C8B: variants seen among roughly 807,000 people sequenced by gnomAD.
C8B encodes the protein complement component C8 beta chain.
Under a neutral mutation model 64.6 loss-of-function variants are expected in C8B, and 67 were observed. The observed-to-expected ratio is 1.04, with a 90% CI of 0.85 to 1.27. The LOEUF (loss-of-function observed/expected upper bound fraction) is 1.27. Ranked by LOEUF, C8B falls within the 50% of genes most tolerant of loss-of-function variation. C8B has a pLI of 0.00. For missense variants in C8B, 790 were observed against 725.2 expected (o/e 1.09, Z -1.03); for synonymous variants, 284 against 257.7 (o/e 1.10, Z -0.98).
chr1:56,943,891 C>G, intron 7 of C8B, 67 bp from the exon 8 acceptor site: 1 of 1,585,334 alleles, frequency 6.3e-7, no homozygotes, highest in Non-Finnish European at 8.6e-7. Context: ...TTCCTATGAT[C>G]GAGTCCAGAG....
chr1:56,939,626 GC>G (rs2101380338), intron 9 of C8B, among the ~76,000 whole-genome samples: 1 of 152,280 alleles, frequency 6.6e-6, no homozygotes, highest in South Asian at 2.1e-4. Flanking sequence ...ACCTACCATT[GC>G]TGACGTGTAT....
Position 56,943,849 on chromosome 1 carries a change from C to T in C8B, c.1106-25G>A, listed in dbSNP as rs757930153. On this transcript the variant is annotated intron_variant, in intron 7 of 11. Coordinates refer to ENST00000371237, the MANE Select transcript of C8B (RefSeq NM_000066.4). ...TCTGAAGAAAACAAGGAAAAAGGTC[C>T]ATGACGTAAAAGGTAGTTCACTCTG... 4 of 1,613,184 alleles carry T rather than the reference C, an allele frequency of 2.5e-6. No homozygotes were observed. The South Asian group carries it at 4.4e-5, about 18-fold the overall frequency.
intron 1 of C8B, among the ~76,000 whole-genome samples, chr1:56,960,915 T>C (rs1353191814): frequency 6.6e-6 from 1 of 151,874 alleles, no homozygotes; most frequent in African/African-American, 2.4e-5. Context: ...ATTTAGTAAA[T>C]AGTTCCTATA....
At position 56,940,912 on chromosome 1, in the gene C8B, C is replaced by T. The variant is rs768628189; in HGVS notation, c.1335G>A (p.Thr445=). 24 of 1,613,944 alleles carry T rather than the reference C, an allele frequency of 1.5e-5. No individual in the cohort carries two copies. The highest frequency in any genetic ancestry group is 1.6e-4 in the Middle Eastern group (1 of 6,084). The change falls in exon 9 of 12, where the codon ACG becomes ACA. Residue 445 remains threonine, a synonymous_variant. Coordinates refer to ENST00000371237, the MANE Select transcript of C8B (RefSeq NM_000066.4). ...ITTLAYQELP[T]ADLMQEWGDA... is the part of the protein sequence containing the mutation. ...CTCCCCACTCCTGCATCAGGTCCGC[C>T]GTCGGCAGCTCCTGGTATGCCAGGG...
In C8B at chr1:56,929,335, G is replaced by A. The variant is rs1374312326; in HGVS notation, c.*69C>T. ...GAACTCCAGGTGGAAACTGGTGTAG[G>A]GCTGAGCTGGCATGAGTTCTTGAGG... On this transcript the variant is annotated 3_prime_UTR_variant, in exon 12 of 12. Transcript: ENST00000371237. 6.5e-7 allele frequency: 1 copy of A among 1,546,808 alleles called. No individual in the cohort carries two copies. Among genetic ancestry groups the A allele is most frequent in the Non-Finnish European group, 8.9e-7 (1 of 1,120,628 alleles).
intron 1 of C8B, among the ~76,000 whole-genome samples, chr1:56,962,060 A>G (rs552701870): frequency 1.2e-4 from 18 of 152,300 alleles, no homozygotes; most frequent in African/African-American, 4.3e-4. Flanking sequence ...CTGTTACATT[A>G]TGTTTTTAGC....
At chr1:56,945,432 T>C (rs1644926867) in intron 7 of C8B, among the ~76,000 whole-genome samples, 1 of 152,142 alleles carries the variant, frequency 6.6e-6, no homozygotes, top group Non-Finnish European at 1.5e-5. Flanking sequence ...AGAAAGAAAG[T>C]CAAAAGTTCT....
At chr1:56,945,699 G>C (rs1644930205) in intron 7 of C8B, 122 bp downstream of exon 7, 1 of 1,233,050 alleles carries the variant, frequency 8.1e-7, no homozygotes, top group African/African-American at 1.5e-5. Context: ...AAAAGAAGAG[G>C]AAGAGGAATC....
rs897397488 is a variant in C8B at position 56,933,550 on chromosome 1, C to T, written c.1399-62G>A. The T allele has an allele frequency of 9.9e-6, 14 of 1,414,264 alleles. No individual in the cohort carries two copies. In the Admixed American group the frequency reaches 1.0e-4, roughly 10 times the overall value. The allele number at this position is 1,414,264 out of a possible 1,614,324, so 87.6% of individuals were successfully genotyped here. On this transcript the variant is annotated intron_variant, in intron 9 of 11. Transcript: ENST00000371237. ...ACATTTATCAAGTAGAAGTGTAAAA[C>T]AAAACTACAAAGGAATGGACTGGGA...
intron 8 of C8B, among the ~76,000 whole-genome samples, chr1:56,941,513 GA>G (rs1644857669): frequency 6.6e-5 from 3 of 45,742 alleles, no homozygotes; most frequent in Non-Finnish European, 1.6e-4. Context: ...TAGATACATA[GA>G]TAGATAGATA....
At chr1:56,941,515 T>C (rs1188880042) in intron 8 of C8B, among the ~76,000 whole-genome samples, 2 of 77,144 alleles carry the variant, frequency 2.6e-5, no homozygotes, top group Non-Finnish European at 5.4e-5. Context: ...GATACATAGA[T>C]AGATAGATAG....
intron 5 of C8B, among the ~76,000 whole-genome samples, chr1:56,950,803 A>G (rs1024776011): frequency 2.0e-5 from 3 of 152,186 alleles, no homozygotes; most frequent in Non-Finnish European, 4.4e-5. Context: ...TTATACTGGT[A>G]AGTCATAGCA....
In C8B at chr1:56,945,931, T is replaced by C; in HGVS notation, c.995A>G (p.Glu332Gly). Reference sequence around the variant, plus strand: ...AAAATCACGGAAGAGATCTCTGTATTCCCCGTAGCTGTACTCCAGGGGCAG... The same window carrying C: ...AAAATCACGGAAGAGATCTCTGTATCCCCCGTAGCTGTACTCCAGGGGCAG... Reference protein sequence around the residue: ...KRLPLEYSYGEYRDLFRDFGT... With the variant: ...KRLPLEYSYGGYRDLFRDFGT... Residue 332 changes from glutamate to glycine, a missense_variant, in exon 7 of 12, where the codon GAA becomes GGA. Transcript: ENST00000371237. 2 of 1,614,100 alleles carry C rather than the reference T, an allele frequency of 1.2e-6. No homozygotes were observed. The highest frequency in any genetic ancestry group is 1.7e-6 in the Non-Finnish European group (2 of 1,180,010).
In C8B at chr1:56,945,598, A is replaced by G. The variant is rs149511067; in HGVS notation, c.1105+223T>C. ...CTGCATGCTGAAGGTATTTAGAACC[A>G]TGGGATTGGATACAATTGCATAGAG... On this transcript the variant is annotated intron_variant, in intron 7 of 11. Coordinates refer to ENST00000371237, the MANE Select transcript of C8B (RefSeq NM_000066.4). Among the ~76,000 whole-genome samples, 79 of 152,338 alleles carry G rather than the reference A, an allele frequency of 5.2e-4. 3 individuals are homozygous for G. The highest frequency in any genetic ancestry group is 1.9e-3 in the African/African-American group (78 of 41,580).
At chr1:56,965,129 T>A (rs922881494) in intron 1 of C8B, among the ~76,000 whole-genome samples, 2 of 152,124 alleles carry the variant, frequency 1.3e-5, no homozygotes, top group African/African-American at 4.8e-5. Flanking sequence ...GGAATTACAG[T>A]CCCTCTTCCC....
intron 1 of C8B, 75 bp from the exon 2 acceptor site, chr1:56,960,251 A>C: frequency 1.5e-6 from 2 of 1,340,218 alleles, no homozygotes; most frequent in East Asian, 2.3e-5. Context: ...CTATTTGTAC[A>C]TTCAATAAAT....
Position 56,965,742 on chromosome 1 carries a change from C to T in C8B, c.92+115G>A, listed in dbSNP as rs530747442. 129 of 1,111,256 alleles carry T rather than the reference C, an allele frequency of 1.2e-4. 3 individuals carry two copies. The highest frequency in any genetic ancestry group is 9.9e-4 in the South Asian group (78 of 78,862). 68.8% of individuals were successfully genotyped at this position (1,111,256 alleles called of 1,614,324 possible). On this transcript the variant is annotated intron_variant, in intron 1 of 11. Transcript: ENST00000371237. Reference sequence around the variant, plus strand: ...TATGTTATCAGATGCATGCAAATTGCCTTAAGAGACGTTCCTCATTCAATA... The same window carrying T: ...TATGTTATCAGATGCATGCAAATTGTCTTAAGAGACGTTCCTCATTCAATA...
chr1:56,934,527 G>T (rs912649354), intron 9 of C8B, among the ~76,000 whole-genome samples: 7 of 152,280 alleles, frequency 4.6e-5, no homozygotes, highest in African/African-American at 1.2e-4. Context: ...CCAGGGCCAG[G>T]TTCCTCTCCA....
intron 2 of C8B, among the ~76,000 whole-genome samples, chr1:56,957,934 G>A (rs1374677290): frequency 6.6e-6 from 1 of 152,162 alleles, no homozygotes; most frequent in Non-Finnish European, 1.5e-5. Context: ...TGGCTGAGTA[G>A]GAATGTCTGA....
Sources: allele counts gnomAD v4.1 joint callset (sites outside exome capture counted in the v4.1 genomes callset), GRCh38; gene constraint gnomAD v4.1.1; transcripts MANE v1.5; gene names NCBI Gene and HGNC (gene_info 2026-07-23, HGNC 2026-07-21).